The following WDPCP variants were observed in gnomAD, a reference collection of about 807,000 sequenced individuals.
WDPCP encodes WD repeat-containing and planar cell polarity effector protein fritz homolog.
WDPCP carries 71 observed loss-of-function variants against 93.1 expected under a neutral mutation model. The observed-to-expected ratio is 0.76, with a 90% CI of 0.63 to 0.93. WDPCP has a LOEUF of 0.93. Ranked by LOEUF, WDPCP falls within the 40% of genes least tolerant of loss-of-function variation. The pLI is 0.00. For synonymous variants in WDPCP, 315 were observed against 315.0 expected, an observed-to-expected ratio of 1.00 and a Z score of 0.00; for missense variants, 844 against 887.4, an observed-to-expected ratio of 0.95 and a Z score of 0.62.
chr2:63,259,829 T>C (rs1015121284), intron 13 of WDPCP, among the ~76,000 whole-genome samples: 3 of 152,232 alleles, frequency 2.0e-5, no homozygotes, highest in Non-Finnish European at 2.9e-5. Flanking sequence ...ATATTTGTTA[T>C]TATTAATATT....
chr2:63,661,368 T>G (rs556042573), intron 2 of WDPCP, among the ~76,000 whole-genome samples: 4 of 152,310 alleles, frequency 2.6e-5, no homozygotes, highest in Admixed American at 2.6e-4. Context: ...TGCTGTTTCC[T>G]TAGTGAGTAT....
In WDPCP at chr2:63,598,648, TTAAA is replaced by T. The variant is rs1393095454; in HGVS notation, n.488+52007_488+52010del. Among the ~76,000 whole-genome samples the T allele has an allele frequency of 2.0e-5, 3 of 152,310 alleles. No individual in the cohort carries two copies. In the South Asian group the frequency reaches 6.2e-4, roughly 32 times the overall value. The stretch of plus-strand genomic sequence containing the variant: ...TTTTTTGCTTTCTGTGCACTTCATT[TTAAA>T]TAGTTAACTTATTTTCTGTCATCAC... On this transcript the variant is annotated intron_variant and non_coding_transcript_variant, in intron 3 of 4. Transcript: ENST00000467687.
chr2:63,573,491 C>T (rs957902867), intron 1 of WDPCP, among the ~76,000 whole-genome samples: 1 of 152,222 alleles, frequency 6.6e-6, no homozygotes, highest in African/African-American at 2.4e-5. Flanking sequence ...ACACTTATCA[C>T]TTCCCCAATC....
At chr2:63,439,654 G>A in intron 7 of WDPCP, 103 bp downstream of exon 7, 1 of 988,648 alleles carries the variant, frequency 1.0e-6, no homozygotes, top group South Asian at 1.4e-5. Flanking sequence ...TACTTGTTGT[G>A]TTTGCAAGTC....
chr2:63,764,916 C>T (rs1305591053), intron 2 of WDPCP, among the ~76,000 whole-genome samples: 1 of 152,066 alleles, frequency 6.6e-6, no homozygotes, highest in African/African-American at 2.4e-5. Context: ...AGAGTAGGAA[C>T]ATGGTAAATA....
intron 6 of WDPCP, among the ~76,000 whole-genome samples, chr2:63,454,606 C>T (rs1168429089): frequency 6.6e-6 from 1 of 151,984 alleles, no homozygotes; most frequent in Non-Finnish European, 1.5e-5. Context: ...ATCAGTATTC[C>T]TGAAGGTGTG....
At chr2:63,777,541 TA>T (rs1363682846) in intron 2 of WDPCP, among the ~76,000 whole-genome samples, 1 of 152,196 alleles carries the variant, frequency 6.6e-6, no homozygotes, top group Non-Finnish European at 1.5e-5. Context: ...GGTGAATGAA[TA>T]AACAAATTGT....
At chr2:63,618,020 GTTTTCTCTTATGTT>G (rs991919593) in intron 3 of WDPCP, among the ~76,000 whole-genome samples, 5 of 151,988 alleles carry the variant, frequency 3.3e-5, no homozygotes, top group African/African-American at 1.2e-4. Flanking sequence ...TGTACTGTTT[GTTTTCTCTTATGTT>G]TTTTTTCCAT....
At position 63,404,116 on chromosome 2, in the gene WDPCP, C is replaced by T. The variant is rs1399108904; in HGVS notation, c.1367G>A (p.Ser456Asn). 6.2e-7 allele frequency: 1 copy of T among 1,614,088 alleles called. No homozygotes were observed. The highest frequency in any genetic ancestry group is 8.5e-7 in the Non-Finnish European group (1 of 1,179,994). ...PQVVSQKGEG[S>N]DIYDLLFLRF... ...GAGGAAGAGGAGATCATAGATATCA[C>T]TACCTTCACCCTTCTGAGAAACAAC... Residue 456 changes from serine (S) to asparagine (N), a missense_variant, in exon 10 of 18, where the codon AGT becomes AAT. Ser to Asn is a conservative substitution (Grantham distance 46). Transcript: ENST00000272321.
chr2:63,772,574 T>C (rs530212600), intron 2 of WDPCP, among the ~76,000 whole-genome samples: 2 of 152,168 alleles, frequency 1.3e-5, no homozygotes, highest in South Asian at 2.1e-4. Flanking sequence ...GGATGCATAA[T>C]AGAATAATAC....
At chr2:63,569,444 A>G (rs1304739208) in intron 1 of WDPCP, among the ~76,000 whole-genome samples, 1 of 152,176 alleles carries the variant, frequency 6.6e-6, no homozygotes, top group Non-Finnish European at 1.5e-5. Context: ...GTTGTTTCAC[A>G]TATATCTAGC....
At chr2:63,628,662 A>G (rs1219503765) in intron 3 of WDPCP, among the ~76,000 whole-genome samples, 1 of 152,188 alleles carries the variant, frequency 6.6e-6, no homozygotes, top group Non-Finnish European at 1.5e-5. Flanking sequence ...TTTCCATACA[A>G]AGGACCAGCT....
intron 2 of WDPCP, among the ~76,000 whole-genome samples, chr2:63,711,305 C>G (rs72889356): frequency 6.6e-6 from 1 of 151,978 alleles, no homozygotes; most frequent in African/African-American, 2.4e-5. Context: ...TAAGGTAGTA[C>G]CAGTAAAGTT....
intron 2 of WDPCP, among the ~76,000 whole-genome samples, chr2:63,701,244 T>C (rs1669045332): frequency 6.6e-6 from 1 of 151,676 alleles, no homozygotes. Context: ...CCAATAAGAA[T>C]ATAAAAAAAA....
chr2:63,781,923 CTATG>C (rs1670398760), intron 2 of WDPCP, among the ~76,000 whole-genome samples: 1 of 152,064 alleles, frequency 6.6e-6, no homozygotes, highest in Non-Finnish European at 1.5e-5. Context: ...CACAGGCAAC[CTATG>C]TGTGTGTGTA....
chr2:63,729,523 A>G (rs1344966950), intron 2 of WDPCP, among the ~76,000 whole-genome samples: 1 of 152,126 alleles, frequency 6.6e-6, no homozygotes, highest in Non-Finnish European at 1.5e-5. Context: ...TGGCAGGGCC[A>G]GGACCCACAT....
chr2:63,311,582 C>T (rs769234613), intron 13 of WDPCP, among the ~76,000 whole-genome samples: 4 of 152,160 alleles, frequency 2.6e-5, no homozygotes, highest in Non-Finnish European at 4.4e-5. Context: ...AGTAAAACCA[C>T]TTCTATACTT....
At chr2:63,543,835 G>A (rs148058354) in intron 1 of WDPCP, among the ~76,000 whole-genome samples, 428 of 152,160 alleles carry the variant, frequency 2.8e-3, no homozygotes, top group Admixed American at 7.6e-3. Flanking sequence ...TAGAAGGTAA[G>A]CCTCTTTAAT....
intron 2 of WDPCP, among the ~76,000 whole-genome samples, chr2:63,738,637 C>G (rs78664877): frequency 1.8e-3 from 268 of 152,100 alleles, no homozygotes; most frequent in Non-Finnish European, 3.0e-3. Flanking sequence ...TGCCTGAAAA[C>G]CAAATACTGA....
Sources: allele counts gnomAD v4.1 joint callset (sites outside exome capture counted in the v4.1 genomes callset), GRCh38; gene constraint gnomAD v4.1.1; transcripts MANE v1.5; gene names NCBI Gene and HGNC (gene_info 2026-07-23, HGNC 2026-07-21).